REC114: variants seen among roughly 807,000 people sequenced by gnomAD.
REC114 encodes meiotic recombination protein REC114.
REC114 carries 27 observed loss-of-function variants against 31.3 expected under a neutral mutation model. The observed-to-expected ratio is 0.86, with a 90% CI of 0.64 to 1.19. The LOEUF (loss-of-function observed/expected upper bound fraction) is 1.19. Ranked by LOEUF, REC114 falls within the 50% of genes most tolerant of loss-of-function variation. REC114 has a pLI of 0.00. For missense variants in REC114, 344 were observed against 326.9 expected (o/e 1.05, Z -0.40); for synonymous variants, 134 against 127.7 (o/e 1.05, Z -0.33).
At chr15:73,457,160 T>A (rs560767677) in intron 1 of REC114, among the ~76,000 whole-genome samples, 70 of 148,298 alleles carry the variant, frequency 4.7e-4, no homozygotes, top group Non-Finnish European at 7.1e-4. Context: ...GGGACAAGAG[T>A]GGCTGGGACT....
intron 2 of REC114, among the ~76,000 whole-genome samples, chr15:73,492,184 C>G (rs981615248): frequency 6.6e-6 from 1 of 152,194 alleles, no homozygotes; most frequent in Admixed American, 6.5e-5. Flanking sequence ...ACACCCCACT[C>G]CGCAAAGACT....
At chr15:73,559,133 A>C (rs757789636) in intron 5 of REC114, among the ~76,000 whole-genome samples, 3 of 152,252 alleles carry the variant, frequency 2.0e-5, no homozygotes, top group Non-Finnish European at 4.4e-5. Flanking sequence ...TTAAGGGTTA[A>C]GGGTTTGACG....
chr15:73,479,434 T>C (rs1320566874), intron 2 of REC114, among the ~76,000 whole-genome samples: 4 of 152,018 alleles, frequency 2.6e-5, no homozygotes, highest in Non-Finnish European at 4.4e-5. Context: ...ATTTTATATA[T>C]GTATGGTGAG....
At chr15:73,466,686 G>A (rs1893065593) in intron 1 of REC114, among the ~76,000 whole-genome samples, 1 of 152,154 alleles carries the variant, frequency 6.6e-6, no homozygotes. Context: ...AATTTGAAGA[G>A]AATAAATTTC....
At chr15:73,497,522 A>G (rs1893545588) in intron 2 of REC114, among the ~76,000 whole-genome samples, 1 of 152,176 alleles carries the variant, frequency 6.6e-6, no homozygotes, top group African/African-American at 2.4e-5. Context: ...TTAGAATATC[A>G]GGGTTCTTAC....
At chr15:73,505,006 T>G (rs2141310810) in intron 2 of REC114, among the ~76,000 whole-genome samples, 1 of 152,308 alleles carries the variant, frequency 6.6e-6, no homozygotes, top group East Asian at 1.9e-4. Context: ...TCTAGTCCTC[T>G]GTACCTTTGC....
At chr15:73,493,307 C>T (rs915571597) in intron 2 of REC114, among the ~76,000 whole-genome samples, 3 of 152,078 alleles carry the variant, frequency 2.0e-5, no homozygotes, top group African/African-American at 7.2e-5. Flanking sequence ...CTGACTGTTG[C>T]TTATTATCTG....
At chr15:73,527,306 A>G (rs1180901623) in intron 2 of REC114, among the ~76,000 whole-genome samples, 6 of 152,198 alleles carry the variant, frequency 3.9e-5, no homozygotes, top group Non-Finnish European at 8.8e-5. Flanking sequence ...ACAGATAGCT[A>G]TTCAGCCAGA....
Position 73,556,323 on chromosome 15 carries a change from C to T in REC114, c.568C>T (p.Gln190Ter). 1.9e-6 allele frequency: 3 copies of T among 1,613,804 alleles called. No homozygotes were observed. The highest frequency in any genetic ancestry group is 4.5e-5 in the East Asian group (2 of 44,874). Reference protein sequence around the residue: ...QPGSHQHSEQQQVCVTAGTGA... With the variant: ...QPGSHQHSEQ ...CCAGTCCCACCAGCACTCAGAACAACAGCAAGTGTGTGTAACAGCGGGCAC... is the reference window on the plus strand; with the variant it reads ...CCAGTCCCACCAGCACTCAGAACAATAGCAAGTGTGTGTAACAGCGGGCAC... The change falls in exon 5 of 6, where the codon CAG (glutamine) becomes TAG (stop). Residue 190 changes from glutamine (Q) to a stop codon, truncating the protein, a stop_gained. Coordinates refer to ENST00000331090, the MANE Select transcript of REC114 (RefSeq NM_001042367.2). LOFTEE classifies it high-confidence loss of function.
At chr15:73,468,150 G>A (rs982153242) in intron 1 of REC114, among the ~76,000 whole-genome samples, 2 of 152,186 alleles carry the variant, frequency 1.3e-5, no homozygotes, top group East Asian at 1.9e-4. Flanking sequence ...TACAGGTTCC[G>A]GGTATTAGGA....
intron 1 of REC114, among the ~76,000 whole-genome samples, chr15:73,452,464 A>C (rs1892864031): frequency 6.6e-6 from 1 of 152,206 alleles, no homozygotes; most frequent in Admixed American, 6.5e-5. Context: ...ACTACAAACC[A>C]CGGCTCAAGG....
chr15:73,491,902 GA>G (rs34716056), intron 2 of REC114, among the ~76,000 whole-genome samples: 7,707 of 143,346 alleles, frequency 0.054, 213 homozygotes, highest in South Asian at 0.097. Flanking sequence ...TCTGTCTCAA[GA>G]AAAAAAAAAA....
chr15:73,546,789 G>A (rs557915906), intron 3 of REC114, among the ~76,000 whole-genome samples: 5 of 148,646 alleles, frequency 3.4e-5, no homozygotes, highest in African/African-American at 9.9e-5. Flanking sequence ...ACTCCAGCCT[G>A]GGCAACAAGA....
chr15:73,521,476 T>C (rs1287400971), intron 2 of REC114, among the ~76,000 whole-genome samples: 2 of 151,196 alleles, frequency 1.3e-5, no homozygotes, highest in East Asian at 3.9e-4. Context: ...CTAAGGAAAA[T>C]AGAAGAAATA....
rs537461033 is a variant in REC114, at chr15:73,513,894, TTTTG to T, written c.250-26585_250-26582del. On this transcript the variant is annotated intron_variant, in intron 2 of 5. Transcript: ENST00000331090. The stretch of plus-strand genomic sequence containing the variant: ...AAGTCTGCAGAGGTTACTGCTGTCT[TTTTG>T]TTTGTCTGTGCCCTGCCCCCAGAGG... 6.1e-4 allele frequency among the ~76,000 whole-genome samples: 92 copies of T among 151,952 alleles called. 2 individuals carry two copies. In the South Asian group the frequency reaches 0.019, roughly 31 times the overall value.
At chr15:73,500,438 C>G (rs985321324) in intron 2 of REC114, among the ~76,000 whole-genome samples, 1 of 150,166 alleles carries the variant, frequency 6.7e-6, no homozygotes, top group African/African-American at 2.4e-5. Context: ...TTTATTTTTA[C>G]TTTTTCAAGA....
intron 2 of REC114, among the ~76,000 whole-genome samples, chr15:73,522,322 G>A (rs986894093): frequency 6.6e-6 from 1 of 152,134 alleles, no homozygotes; most frequent in African/African-American, 2.4e-5. Context: ...GATGTTGCCA[G>A]CATAGTCTTT....
intron 3 of REC114, among the ~76,000 whole-genome samples, chr15:73,541,888 C>T (rs1894243122): frequency 6.6e-6 from 1 of 152,036 alleles, no homozygotes; most frequent in Admixed American, 6.6e-5. Context: ...AAAAATCAAC[C>T]ATAATTTGAC....
intron 3 of REC114, among the ~76,000 whole-genome samples, chr15:73,548,196 C>A (rs1894337100): frequency 6.6e-6 from 1 of 152,164 alleles, no homozygotes; most frequent in African/African-American, 2.4e-5. Context: ...GCAACCTCCA[C>A]CTCCCGGGTT....
Sources: allele counts gnomAD v4.1 joint callset (sites outside exome capture counted in the v4.1 genomes callset), GRCh38; gene constraint gnomAD v4.1.1; transcripts MANE v1.5; gene names NCBI Gene and HGNC (gene_info 2026-07-23, HGNC 2026-07-21).